Variants in TSGA10 observed in about 807,000 individuals in gnomAD.
TSGA10 encodes testis-specific gene 10 protein.
Under a neutral mutation model 96.6 loss-of-function variants are expected in TSGA10, and 43 were observed. The observed-to-expected ratio is 0.44, with a 90% CI of 0.35 to 0.57. The LOEUF (loss-of-function observed/expected upper bound fraction) is 0.57. Ranked by LOEUF, TSGA10 falls within the 20% of genes least tolerant of loss-of-function variation. The pLI is 0.01. For synonymous variants in TSGA10, 229 were observed against 269.9 expected, an observed-to-expected ratio of 0.85 and a Z score of 1.48; for missense variants, 703 against 834.4, an observed-to-expected ratio of 0.84 and a Z score of 1.94.
chr2:99,130,491 ATTTG>A (rs1254599133), intron 1 of TSGA10, among the ~76,000 whole-genome samples: 1 of 151,956 alleles, frequency 6.6e-6, no homozygotes, highest in Non-Finnish European at 1.5e-5. Flanking sequence ...TTTCTTGTAA[ATTTG>A]TTTAAGTTCC....
chr2:99,034,546 C>G (rs1304566345), intron 17 of TSGA10, among the ~76,000 whole-genome samples: 3 of 152,162 alleles, frequency 2.0e-5, no homozygotes, highest in African/African-American at 7.2e-5. Flanking sequence ...GCCACTTCCT[C>G]CCATGCATGC....
At chr2:99,141,231 A>C in intron 1 of TSGA10, 73 of 980,116 alleles carry the variant, frequency 7.4e-5, no homozygotes, top group East Asian at 9.5e-5. Flanking sequence ...CCCACCCCCA[A>C]ATCGTCCTGG....
At chr2:99,054,488 T>G (rs749049289) in intron 16 of TSGA10, among the ~76,000 whole-genome samples, 5 of 152,116 alleles carry the variant, frequency 3.3e-5, no homozygotes, top group Non-Finnish European at 7.4e-5. Context: ...TCCAAAAGCA[T>G]AGGCTTCAAA....
intron 10 of TSGA10, among the ~76,000 whole-genome samples, chr2:99,091,157 T>C (rs185194886): frequency 2.0e-5 from 3 of 152,336 alleles, no homozygotes; most frequent in Admixed American, 6.5e-5. Flanking sequence ...GCCATTAATT[T>C]TGTATCCAGT....
chr2:99,154,022 T>G (rs1190643141), intron 1 of TSGA10, among the ~76,000 whole-genome samples: 4 of 152,202 alleles, frequency 2.6e-5, no homozygotes, highest in African/African-American at 9.7e-5. Context: ...TGGGCTGGCT[T>G]TGTTGTTGTT....
chr2:99,099,531 A>G (rs1252143939), intron 10 of TSGA10, among the ~76,000 whole-genome samples: 1 of 152,202 alleles, frequency 6.6e-6, no homozygotes, highest in Non-Finnish European at 1.5e-5. Context: ...TTTTAACAGA[A>G]TAAGGGAGAA....
chr2:99,041,366 C>A (rs1054545911), intron 16 of TSGA10, among the ~76,000 whole-genome samples: 1 of 152,080 alleles, frequency 6.6e-6, no homozygotes, highest in Non-Finnish European at 1.5e-5. Context: ...GCATTTCTAA[C>A]AATACCCAAA....
intron 6 of TSGA10, 46 bp downstream of exon 6, chr2:99,109,343 G>A (rs2091622214): frequency 1.3e-6 from 2 of 1,577,112 alleles, no homozygotes; most frequent in African/African-American, 1.3e-5. Context: ...AAAAGCCAGT[G>A]TCTGGGCAAC....
intron 4 of TSGA10, among the ~76,000 whole-genome samples, chr2:99,115,679 A>G (rs1372242599): frequency 6.6e-6 from 1 of 152,142 alleles, no homozygotes; most frequent in African/African-American, 2.4e-5. Context: ...CAGGAGTTCA[A>G]TACCAGCCTG....
intron 18 of TSGA10, 58 bp downstream of exon 18, chr2:99,020,222 A>G: frequency 6.8e-7 from 1 of 1,460,166 alleles, no homozygotes; most frequent in South Asian, 1.2e-5. Context: ...TAAAATTTCT[A>G]CTAAAGTACC....
chr2:99,084,574 A>G (rs887906308), intron 10 of TSGA10, among the ~76,000 whole-genome samples: 5 of 152,192 alleles, frequency 3.3e-5, no homozygotes, highest in African/African-American at 1.2e-4. Context: ...CTGCAGAACC[A>G]TAAGCTAAAA....
At chr2:99,125,633 T>C (rs1211341183) in intron 2 of TSGA10, 1 of 152,232 alleles carries the variant, frequency 6.6e-6, no homozygotes, top group South Asian at 2.1e-4. Context: ...CTCTGGATCT[T>C]ATGTTTTAGC....
intron 4 of TSGA10, among the ~76,000 whole-genome samples, chr2:99,114,686 T>C (rs1181896204): frequency 6.6e-6 from 1 of 152,182 alleles, no homozygotes; most frequent in African/African-American, 2.4e-5. Flanking sequence ...CTAGCTCTTA[T>C]ATTTTAGATG....
chr2:99,000,444 A>G (rs532510063), intron 20 of TSGA10, among the ~76,000 whole-genome samples: 2 of 146,760 alleles, frequency 1.4e-5, no homozygotes, highest in African/African-American at 5.0e-5. Context: ...TGGGAGGTGG[A>G]GGTTGCAGGG....
intron 16 of TSGA10, among the ~76,000 whole-genome samples, chr2:99,041,871 C>G (rs1443918201): frequency 2.0e-5 from 3 of 152,056 alleles, no homozygotes; most frequent in Non-Finnish European, 4.4e-5. Flanking sequence ...AAATAATCAT[C>G]AGAGTAAACA....
At chr2:99,150,491 T>C (rs756623182) in intron 1 of TSGA10, 1 of 1,529,234 alleles carries the variant, frequency 6.5e-7, no homozygotes, top group Non-Finnish European at 8.8e-7. Flanking sequence ...AGTAATCAAG[T>C]TGAAGAAACA....
At chr2:99,050,810 G>A (rs77975902) in intron 16 of TSGA10, among the ~76,000 whole-genome samples, 8,240 of 152,200 alleles carry the variant, frequency 0.054, 419 homozygotes, top group East Asian at 0.21. Flanking sequence ...TCCAACTACA[G>A]TCATGTGACA....
At chr2:99,031,689 G>C (rs985198683) in intron 17 of TSGA10, among the ~76,000 whole-genome samples, 3 of 152,146 alleles carry the variant, frequency 2.0e-5, no homozygotes, top group Non-Finnish European at 4.4e-5. Context: ...CACACAGCAG[G>C]AGGTGAATGG....
At chr2:99,028,172 A>G (rs965746573) in intron 17 of TSGA10, among the ~76,000 whole-genome samples, 3 of 152,064 alleles carry the variant, frequency 2.0e-5, no homozygotes, top group African/African-American at 7.2e-5. Context: ...GTCTGTCCCT[A>G]CTGGTATCAA....
Sources: allele counts gnomAD v4.1 joint callset (sites outside exome capture counted in the v4.1 genomes callset), GRCh38; gene constraint gnomAD v4.1.1; transcripts MANE v1.5; gene names NCBI Gene and HGNC (gene_info 2026-07-23, HGNC 2026-07-21).